Variants in XRN2 observed in about 807,000 individuals in gnomAD.
XRN2 encodes DHM1-like protein.
Under a neutral mutation model 138.5 loss-of-function variants are expected in XRN2, and 44 were observed. That is an observed-to-expected ratio of 0.32 (90% confidence interval 0.25 to 0.41). The LOEUF is 0.41. Among genes scored for constraint, XRN2 ranks in the 10% least tolerant of loss-of-function variants. XRN2 has a pLI of 1.00. For synonymous variants in XRN2, 354 were observed against 369.4 expected, an observed-to-expected ratio of 0.96 and a Z score of 0.48; for missense variants, 937 against 1,169.3, an observed-to-expected ratio of 0.80 and a Z score of 2.90.
At chr20:21,353,370 G>C (rs1052676339) in intron 20 of XRN2, among the ~76,000 whole-genome samples, 1 of 149,888 alleles carries the variant, frequency 6.7e-6, no homozygotes, top group Admixed American at 6.7e-5. Flanking sequence ...AATTTCCTGG[G>C]TTTTTTTCAT....
At chr20:21,352,317 C>A (rs1277459377) in intron 20 of XRN2, among the ~76,000 whole-genome samples, 3 of 151,830 alleles carry the variant, frequency 2.0e-5, no homozygotes, top group Non-Finnish European at 4.4e-5. Context: ...GTGTGCTTAT[C>A]AACATTATAT....
chr20:21,387,054 C>G, intron 29 of XRN2, 48 bp downstream of exon 29: 1 of 1,569,692 alleles, frequency 6.4e-7, no homozygotes, highest in South Asian at 1.1e-5. Flanking sequence ...TATATTTCAA[C>G]AAGCCTCACA....
intron 17 of XRN2, 101 bp downstream of exon 17, chr20:21,346,651 G>A (rs1044607018): frequency 1.4e-6 from 2 of 1,449,632 alleles, no homozygotes; most frequent in South Asian, 2.7e-5. Context: ...ACGGAGTCTT[G>A]CCCTGTCACC....
Position 21,344,054 on chromosome 20 carries a change from G to T in XRN2, c.1411-36G>T, listed in dbSNP as rs1394525176. 5 of 1,485,946 alleles carry T rather than the reference G, an allele frequency of 3.4e-6. No individual in the cohort carries two copies. In the Admixed American group the frequency reaches 5.1e-5, roughly 15 times the overall value. The allele number at this position is 1,485,946 out of a possible 1,614,324, so 92.0% of individuals were successfully genotyped here. On this transcript the variant is annotated intron_variant, in intron 15 of 29. Coordinates refer to ENST00000377191, the MANE Select transcript of XRN2 (RefSeq NM_012255.5). ...TACCTTCTTATGTAAAATGAATAAT[G>T]AAATCCTTCTTCTGTAATGTCATCA... is the stretch of plus-strand genomic sequence containing the variant.
rs1479767467 is a variant in XRN2 at position 21,365,897 on chromosome 20, TATATATATA to T, written c.2456+208_2456+216del. Among the ~76,000 whole-genome samples, 811 of 86,724 alleles carry T rather than the reference TATATATATA, an allele frequency of 9.4e-3. 6 individuals carry two copies. Among genetic ancestry groups the T allele is most frequent in the Non-Finnish European group, 0.016 (663 of 41,888 alleles). 56.9% of individuals were successfully genotyped at this position (86,724 alleles called of 152,430 possible). A position where few individuals can be genotyped will look rare whatever the true frequency, so the allele number is the denominator to read the frequency against. ...TATATAATATTATATAATATATAAT[TATATATATA>T]ATATATATAATATAATATATATATA... On this transcript the variant is annotated intron_variant, in intron 26 of 29. Coordinates refer to ENST00000377191, the MANE Select transcript of XRN2 (RefSeq NM_012255.5).
chr20:21,358,672 G>T (rs1568589555), intron 24 of XRN2, among the ~76,000 whole-genome samples: 1 of 152,076 alleles, frequency 6.6e-6, no homozygotes, highest in Non-Finnish European at 1.5e-5. Context: ...GGTAGTAAAT[G>T]ATTGCCATTC....
intron 3 of XRN2, among the ~76,000 whole-genome samples, chr20:21,328,044 A>G (rs2038152161): frequency 6.9e-6 from 1 of 145,330 alleles, no homozygotes; most frequent in South Asian, 2.2e-4. Context: ...TTATTGTGGG[A>G]AATAGAAGTG....
At chr20:21,315,175 G>A (rs1243625821) in intron 1 of XRN2, among the ~76,000 whole-genome samples, 1 of 152,226 alleles carries the variant, frequency 6.6e-6, no homozygotes, top group Admixed American at 6.5e-5. Flanking sequence ...GGGAGGGACA[G>A]GAGCAAGGCT....
chr20:21,368,218 T>A (rs111681819), intron 26 of XRN2, among the ~76,000 whole-genome samples: 166 of 152,332 alleles, frequency 1.1e-3, no homozygotes, highest in African/African-American at 3.9e-3. Context: ...TTTCGTATGA[T>A]GTAAGTTGTA....
intron 1 of XRN2, among the ~76,000 whole-genome samples, chr20:21,320,260 G>A (rs1240074075): frequency 1.2e-5 from 1 of 80,414 alleles, no homozygotes; most frequent in Non-Finnish European, 2.9e-5. Flanking sequence ...CTACCTATTG[G>A]CATCATTTAT....
chr20:21,351,786 T>C (rs2038513465), intron 20 of XRN2, among the ~76,000 whole-genome samples: 1 of 152,218 alleles, frequency 6.6e-6, no homozygotes, highest in South Asian at 2.1e-4. Context: ...ATGGTCCAAC[T>C]TCATTCTTTT....
chr20:21,365,168 A>G (rs1206588213), intron 24 of XRN2, among the ~76,000 whole-genome samples: 3 of 152,174 alleles, frequency 2.0e-5, no homozygotes, highest in African/African-American at 4.8e-5. Context: ...GAGTTGGGGC[A>G]ATGTCTGTTA....
chr20:21,377,264 C>CTTTTGTTTTTTTTTTTTTTTTTTTT (rs1555788241), intron 27 of XRN2, among the ~76,000 whole-genome samples: 1 of 82,782 alleles, frequency 1.2e-5, no homozygotes, highest in African/African-American at 5.4e-5. Context: ...TCGGTTTTTT[C>CTTTTGTTTTTTTTTTTTTTTTTTTT]TTTTTTTTTT....
At chr20:21,380,799 G>T (rs2038874885) in intron 27 of XRN2, among the ~76,000 whole-genome samples, 2 of 152,222 alleles carry the variant, frequency 1.3e-5, no homozygotes, top group Admixed American at 1.3e-4. Context: ...GCTGGCCATG[G>T]ACTGATGTGG....
At position 21,326,613 on chromosome 20, in the gene XRN2, A is replaced by C. The variant is rs534077630; in HGVS notation, c.315+12A>C. 6.3e-7 allele frequency: 1 copy of C among 1,598,338 alleles called. No homozygotes were observed. Among genetic ancestry groups the C allele is most frequent in the African/African-American group, 1.4e-5 (1 of 74,068 alleles). ...CAATAGATGGAGTGGTAAGTGCTAA[A>C]ATAATTAGAAGCCTCCATTTTGTTT... is the stretch of plus-strand genomic sequence containing the variant. On this transcript the variant is annotated intron_variant, in intron 3 of 29. Coordinates refer to ENST00000377191, the MANE Select transcript of XRN2 (RefSeq NM_012255.5).
At chr20:21,339,234 A>G (rs1366678360) in intron 14 of XRN2, 146 bp downstream of exon 14, 4 of 745,478 alleles carry the variant, frequency 5.4e-6, no homozygotes, top group Non-Finnish European at 4.3e-6. Context: ...TTACCTGTAG[A>G]AAGAACACTG....
chr20:21,346,438 A>G lies in XRN2; in HGVS notation c.1553A>G (p.Gln518Arg). The G allele has an allele frequency of 6.2e-7, 1 of 1,614,154 alleles. No individual in the cohort carries two copies. The highest frequency in any genetic ancestry group is 1.7e-5 in the Admixed American group (1 of 60,018). Reference sequence around the variant, plus strand: ...AGGTTATGGGAAGCTGGCTGGAAGCAGCGGTACTACAAGAACAAATTTGAT... The same window carrying G: ...AGGTTATGGGAAGCTGGCTGGAAGCGGCGGTACTACAAGAACAAATTTGAT... ...NVRLWEAGWK[Q>R]RYYKNKFDVD... Residue 518 changes from glutamine to arginine, a missense_variant, in exon 17 of 30, where the codon CAG becomes CGG. Transcript: ENST00000377191.
chr20:21,382,445 A>G (rs2122362547), intron 28 of XRN2, among the ~76,000 whole-genome samples: 1 of 152,352 alleles, frequency 6.6e-6, no homozygotes, highest in Non-Finnish European at 1.5e-5. Context: ...ATGCAGCGTT[A>G]GTACAGACCA....
chr20:21,368,823 A>G (rs2038731449), intron 27 of XRN2, among the ~76,000 whole-genome samples: 4 of 152,144 alleles, frequency 2.6e-5, no homozygotes, highest in African/African-American at 9.7e-5. Context: ...GGAACATGAG[A>G]TATTTTGACA....
Sources: gnomAD v4.1 joint callset for allele counts (sites outside exome capture counted in the v4.1 genomes callset) on GRCh38, gnomAD v4.1.1 for gene constraint, MANE v1.5 for transcripts, NCBI Gene and HGNC (gene_info 2026-07-23, HGNC 2026-07-21) for gene names.